The following ELK3 variants were observed in gnomAD, a reference collection of about 807,000 sequenced individuals.
ELK3 encodes ETS transcription factor ELK3, also known as ETS domain-containing protein Elk-3.
Under a neutral mutation model 28.9 loss-of-function variants are expected in ELK3, and 10 were observed. That is an observed-to-expected ratio of 0.35 (90% CI 0.21 to 0.59). The LOEUF is 0.59. Among genes scored for constraint, ELK3 ranks in the 20% least tolerant of loss-of-function variants. ELK3 has a pLI of 0.82. For missense variants in ELK3, 463 were observed against 517.3 expected (o/e 0.90, Z 1.02); for synonymous variants, 272 against 243.5 (o/e 1.12, Z -1.09).
intron 4 of ELK3, among the ~76,000 whole-genome samples, chr12:96,265,381 TAAAC>T (rs919618979): frequency 1.2e-4 from 19 of 152,034 alleles, no homozygotes; most frequent in African/African-American, 4.6e-4. Flanking sequence ...AAGATGCAAA[TAAAC>T]AAAAAGAATG....
chr12:96,247,632 A>G lies in ELK3; in HGVS notation c.900A>G (p.Ser300=). ...AAAAACCCAAAGGCTTGGAAATCTC[A>G]GCGCCCCCGCTGGTGCTCTCCGGCA... is the stretch of plus-strand genomic sequence containing the variant. ...KAKKPKGLEI[S]APPLVLSGTD... The change falls in exon 3 of 5, where the codon TCA becomes TCG. Residue 300 remains serine (S), a synonymous_variant. Transcript: ENST00000228741. The surrounding 1 kb of genome is among the most constrained non-coding windows in gnomAD (Gnocchi z 5.5). 1 of 1,613,218 alleles carries G rather than the reference A, an allele frequency of 6.2e-7. No individual in the cohort carries two copies. Among genetic ancestry groups the G allele is most frequent in the South Asian group, 1.1e-5 (1 of 91,080 alleles).
intron 2 of ELK3, among the ~76,000 whole-genome samples, chr12:96,227,329 G>A (rs532630021): frequency 2.3e-4 from 35 of 151,990 alleles, no homozygotes; most frequent in African/African-American, 8.2e-4. Flanking sequence ...CGGCAGCTGC[G>A]TCCTTTTTCC....
At chr12:96,238,774 G>A (rs1951800494) in intron 2 of ELK3, among the ~76,000 whole-genome samples, 1 of 152,106 alleles carries the variant, frequency 6.6e-6, no homozygotes, top group Non-Finnish European at 1.5e-5. Flanking sequence ...GGTCTCTTCC[G>A]CCCGAAGAGC....
chr12:96,218,381 A>G (rs1008018942), intron 1 of ELK3, among the ~76,000 whole-genome samples: 11 of 152,222 alleles, frequency 7.2e-5, no homozygotes, highest in Admixed American at 3.3e-4. Flanking sequence ...TGCAAAAAGA[A>G]TGGCATTAAA....
At chr12:96,259,664 T>G (rs1471313941) in intron 3 of ELK3, 67 bp from the exon 4 acceptor site, 21 of 1,533,362 alleles carry the variant, frequency 1.4e-5, no homozygotes, top group Non-Finnish European at 1.8e-5. Context: ...CTCTCTCTGC[T>G]GCTCTGTTGA....
At chr12:96,226,769 C>T (rs114437019) in intron 2 of ELK3, among the ~76,000 whole-genome samples, 127 of 151,004 alleles carry the variant, frequency 8.4e-4, no homozygotes, top group African/African-American at 3.0e-3. Context: ...ATGAGCAAGA[C>T]GGAAAGTTAG....
intron 2 of ELK3, among the ~76,000 whole-genome samples, chr12:96,239,296 A>G (rs1308723625): frequency 1.3e-5 from 2 of 152,204 alleles, no homozygotes; most frequent in Non-Finnish European, 2.9e-5. Flanking sequence ...TTTTAAAATA[A>G]TGGAATTATT....
chr12:96,253,008 C>T (rs979511006), intron 3 of ELK3, among the ~76,000 whole-genome samples: 17 of 152,194 alleles, frequency 1.1e-4, no homozygotes, highest in Non-Finnish European at 1.9e-4. Flanking sequence ...CGCCTGTAAT[C>T]GCAGCACTTT....
intron 4 of ELK3, among the ~76,000 whole-genome samples, chr12:96,262,808 T>C (rs1407020883): frequency 6.6e-6 from 1 of 152,044 alleles, no homozygotes; most frequent in Non-Finnish European, 1.5e-5. Flanking sequence ...CTCTTATTTT[T>C]TTAAGAACTT....
At chr12:96,245,310 G>A (rs35189516) in intron 2 of ELK3, among the ~76,000 whole-genome samples, 10,986 of 152,122 alleles carry the variant, frequency 0.072, 424 homozygotes, top group African/African-American at 0.1. Context: ...GTCTATTGGG[G>A]GATCTTTGAT....
At chr12:96,211,593 T>A (rs1278652252) in intron 1 of ELK3, among the ~76,000 whole-genome samples, 1 of 152,114 alleles carries the variant, frequency 6.6e-6, no homozygotes, top group East Asian at 1.9e-4. Flanking sequence ...TAACTAGTTT[T>A]GATCTCTAAA....
chr12:96,253,933 C>T (rs933567312), intron 3 of ELK3, among the ~76,000 whole-genome samples: 2 of 152,150 alleles, frequency 1.3e-5, no homozygotes, highest in East Asian at 1.9e-4. Context: ...GTCCAGCATA[C>T]GGGGCAATAT....
chr12:96,243,114 G>A (rs1951832546), intron 2 of ELK3, among the ~76,000 whole-genome samples: 1 of 152,074 alleles, frequency 6.6e-6, no homozygotes, highest in African/African-American at 2.4e-5. Flanking sequence ...ACTTAAACAC[G>A]TAAAATACTT....
intron 4 of ELK3, among the ~76,000 whole-genome samples, chr12:96,260,062 C>T (rs532681366): frequency 2.6e-5 from 4 of 152,188 alleles, no homozygotes; most frequent in South Asian, 2.1e-4. Context: ...GACACCCATA[C>T]GTGGAACAAT....
At chr12:96,229,853 ACC>A (rs1951728586) in intron 2 of ELK3, among the ~76,000 whole-genome samples, 1 of 152,012 alleles carries the variant, frequency 6.6e-6, no homozygotes, top group Non-Finnish European at 1.5e-5. Flanking sequence ...TTATGAGGAT[ACC>A]GGTCATTGGA....
chr12:96,235,864 C>T (rs1468421085), intron 2 of ELK3, among the ~76,000 whole-genome samples: 1 of 152,114 alleles, frequency 6.6e-6, no homozygotes, highest in Non-Finnish European at 1.5e-5. Context: ...GAGTCTTGCT[C>T]TGTCACCCAG....
At chr12:96,252,239 C>G (rs1211868705) in intron 3 of ELK3, among the ~76,000 whole-genome samples, 1 of 152,226 alleles carries the variant, frequency 6.6e-6, no homozygotes, top group Non-Finnish European at 1.5e-5. Flanking sequence ...CAAAATATTA[C>G]TGCTCATTAC....
At chr12:96,258,441 A>G (rs1951968633) in intron 3 of ELK3, among the ~76,000 whole-genome samples, 1 of 152,202 alleles carries the variant, frequency 6.6e-6, no homozygotes, top group South Asian at 2.1e-4. Context: ...AGACCTTTCA[A>G]TTTAGGTTTA....
At chr12:96,214,784 G>C (rs920309116) in intron 1 of ELK3, among the ~76,000 whole-genome samples, 6 of 151,704 alleles carry the variant, frequency 4.0e-5, no homozygotes, top group African/African-American at 1.5e-4. Context: ...CACTTACTCT[G>C]TGCTGAGTTA....
Sources: allele counts gnomAD v4.1 joint callset (sites outside exome capture counted in the v4.1 genomes callset), GRCh38; gene constraint gnomAD v4.1.1; non-coding constraint Gnocchi (gnomAD v3.1); transcripts MANE v1.5; gene names NCBI Gene and HGNC (gene_info 2026-07-23, HGNC 2026-07-21).